DACH2: variants seen among roughly 807,000 people sequenced by gnomAD.
DACH2 encodes dachshund homolog 2.
A neutral mutation model predicts 35.8 loss-of-function variants in DACH2; 17 were observed. The observed-to-expected ratio is 0.48, with a 90% confidence interval of 0.33 to 0.71. DACH2 has a LOEUF of 0.71. Ranked by LOEUF, DACH2 falls within the 30% of genes least tolerant of loss-of-function variation. The pLI, the probability that DACH2 is intolerant of heterozygous loss-of-function variation, is 0.02. For missense variants in DACH2, 469 were observed against 472.7 expected, an observed-to-expected ratio of 0.99 and a Z score of 0.07; for synonymous variants, 195 against 177.3, an observed-to-expected ratio of 1.10 and a Z score of -0.79.
chrX:86,547,524 AACACACACACACAC>A (rs751559427), intron 3 of DACH2, among the ~76,000 whole-genome samples: 230 of 90,850 alleles, frequency 2.5e-3, no homozygotes, highest in African/African-American at 8.6e-3. Context: ...CGTGCTGCAG[AACACACACACACAC>A]ACACACACAC....
At chrX:86,516,053 T>C (rs1445648937) in intron 3 of DACH2, among the ~76,000 whole-genome samples, 3 of 112,108 alleles carry the variant, frequency 2.7e-5, no homozygotes, top group Non-Finnish European at 5.6e-5. Context: ...GATGATGGTA[T>C]AATTAACTCA....
intron 1 of DACH2, among the ~76,000 whole-genome samples, chrX:86,244,892 A>T (rs1369051853): frequency 1.8e-5 from 2 of 112,015 alleles, no homozygotes; most frequent in African/African-American, 6.5e-5. Flanking sequence ...ATGAACATAC[A>T]TTATATGTAA....
rs192213044 is a variant in DACH2, at chrX:86,319,108, A to G, written c.489-57716A>G. Among the ~76,000 whole-genome samples, 661 of 112,127 alleles carry G rather than the reference A, an allele frequency of 5.9e-3. 5 individuals carry two copies. The highest frequency in any genetic ancestry group is 0.02 in the African/African-American group (632 of 30,920). Reference sequence around the variant, plus strand: ...CCTGTTATAATTGATGAGTTTTGCTAAAGAGCAGATTAGCATTTTAAGAAA... The same window carrying G: ...CCTGTTATAATTGATGAGTTTTGCTGAAGAGCAGATTAGCATTTTAAGAAA... On this transcript the variant is annotated intron_variant, in intron 1 of 11. Coordinates refer to ENST00000373125, the MANE Select transcript of DACH2 (RefSeq NM_053281.3).
intron 2 of DACH2, among the ~76,000 whole-genome samples, chrX:86,497,662 T>C (rs2038191916): frequency 9.0e-6 from 1 of 111,463 alleles, no homozygotes; most frequent in Non-Finnish European, 1.9e-5. Flanking sequence ...CTTTCTATGT[T>C]GTAATATTCC....
intron 4 of DACH2, among the ~76,000 whole-genome samples, chrX:86,669,565 G>C (rs1569464090): frequency 9.0e-6 from 1 of 111,432 alleles, no homozygotes; most frequent in East Asian, 2.8e-4. Flanking sequence ...TTCGGTATTA[G>C]AAGAAACTAA....
Position 86,419,564 on chromosome X carries a change from T to G in DACH2, c.527+42702T>G, listed in dbSNP as rs368189546. Among the ~76,000 whole-genome samples, 28 of 111,956 alleles carry G rather than the reference T, an allele frequency of 2.5e-4. No individual in the cohort carries two copies. In the East Asian group the frequency reaches 3.1e-3, roughly 12 times the overall value. Reference sequence around the variant, plus strand: ...CACCCTCATAATTCAGTCACCTCCCTCTGGATTCCTTCCATGACATGTGGG... The same window carrying G: ...CACCCTCATAATTCAGTCACCTCCCGCTGGATTCCTTCCATGACATGTGGG... On this transcript the variant is annotated intron_variant, in intron 2 of 11. Transcript: ENST00000373125.
chrX:86,776,111 T>C (rs912482921), intron 7 of DACH2, among the ~76,000 whole-genome samples: 12 of 111,642 alleles, frequency 1.1e-4, no homozygotes. Flanking sequence ...GGAAATCACA[T>C]ACTACTTTCA....
At chrX:86,168,351 T>A (rs1467817034) in intron 1 of DACH2, among the ~76,000 whole-genome samples, 2 of 111,456 alleles carry the variant, frequency 1.8e-5, no homozygotes, top group East Asian at 5.6e-4. Flanking sequence ...ATAAATATAG[T>A]GACTCCCTTG....
chrX:86,452,192 G>C (rs1257440522), intron 2 of DACH2, among the ~76,000 whole-genome samples: 1 of 111,533 alleles, frequency 9.0e-6, no homozygotes, highest in East Asian at 2.8e-4. Flanking sequence ...GATTATGGTG[G>C]ATAAGCTTTT....
At chrX:86,578,172 A>G (rs766466103) in intron 3 of DACH2, among the ~76,000 whole-genome samples, 6 of 110,876 alleles carry the variant, frequency 5.4e-5, no homozygotes, top group Non-Finnish European at 7.5e-5. Context: ...ATCTAATGCC[A>G]TCTCCAGGTA....
chrX:86,633,598 C>T (rs1362484073), intron 3 of DACH2, among the ~76,000 whole-genome samples: 1 of 111,705 alleles, frequency 9.0e-6, no homozygotes, highest in Non-Finnish European at 1.9e-5. Flanking sequence ...TAATCCCTAA[C>T]TCCTTCTACA....
intron 11 of DACH2, among the ~76,000 whole-genome samples, chrX:86,824,173 C>A (rs1391000966): frequency 9.0e-6 from 1 of 110,756 alleles, no homozygotes. Flanking sequence ...ATCTCAACCG[C>A]ATAAGACGGA....
chrX:86,422,511 T>C (rs1339576375), intron 2 of DACH2, among the ~76,000 whole-genome samples: 2 of 110,161 alleles, frequency 1.8e-5, no homozygotes, highest in Non-Finnish European at 3.8e-5. Flanking sequence ...GTATGAATGG[T>C]TTTTCAAGTG....
At chrX:86,657,346 T>C (rs2040555073) in intron 4 of DACH2, among the ~76,000 whole-genome samples, 1 of 111,103 alleles carries the variant, frequency 9.0e-6, no homozygotes, top group Admixed American at 9.6e-5. Context: ...TATCAAAATA[T>C]CTCATGTAAT....
intron 6 of DACH2, among the ~76,000 whole-genome samples, chrX:86,721,955 CCCATGATTTGATTACCT>C (rs917483925): frequency 2.7e-5 from 3 of 110,973 alleles, no homozygotes; most frequent in Non-Finnish European, 5.7e-5. Flanking sequence ...GGAAACCACC[CCCATGATTTGATTACCT>C]CCACCTGGTC....
At chrX:86,671,290 G>A (rs773688114) in intron 4 of DACH2, among the ~76,000 whole-genome samples, 19 of 112,051 alleles carry the variant, frequency 1.7e-4, no homozygotes, top group African/African-American at 5.8e-4. Flanking sequence ...ATATTGCAAC[G>A]AAAGGTATTA....
intron 4 of DACH2, among the ~76,000 whole-genome samples, chrX:86,680,680 G>T (rs1326610101): frequency 1.0e-5 from 1 of 99,868 alleles, no homozygotes; most frequent in Non-Finnish European, 2.0e-5. Flanking sequence ...TTGAGACAGG[G>T]TCTCACTCTG....
At chrX:86,266,906 T>C (rs998583438) in intron 1 of DACH2, among the ~76,000 whole-genome samples, 4 of 112,135 alleles carry the variant, frequency 3.6e-5, no homozygotes, top group Non-Finnish European at 5.6e-5. Context: ...TTGTCTTTGA[T>C]AGTTAATATA....
chrX:86,323,102 T>A (rs2035046802), intron 1 of DACH2, among the ~76,000 whole-genome samples: 1 of 112,160 alleles, frequency 8.9e-6, no homozygotes, highest in Non-Finnish European at 1.9e-5. Flanking sequence ...TTCCACTAGG[T>A]GGAGGTGTAA....
Sources: allele counts gnomAD v4.1 joint callset (sites outside exome capture counted in the v4.1 genomes callset), GRCh38; gene constraint gnomAD v4.1.1; transcripts MANE v1.5; gene names NCBI Gene and HGNC (gene_info 2026-07-23, HGNC 2026-07-21).